CSMD1: variants seen among roughly 807,000 people sequenced by gnomAD.
The protein encoded by CSMD1 is CUB and sushi domain-containing protein 1.
In CSMD1, 213 loss-of-function variants were observed where a neutral mutation model predicts 417.5. That is an observed-to-expected ratio of 0.51 (90% CI 0.46 to 0.57). CSMD1 has a LOEUF of 0.57. CSMD1 is among the 20% of genes least tolerant of loss of function. The pLI, the probability that CSMD1 is intolerant of heterozygous loss-of-function variation, is 0.00. For synonymous variants in CSMD1, 2,862 were observed against 1,736.8 expected (o/e 1.65, Z -16.11); for missense variants, 6,923 against 4,529.7 (o/e 1.53, Z -15.17).
At chr8:4,395,767 T>C (rs576090771) in intron 3 of CSMD1, among the ~76,000 whole-genome samples, 17 of 150,030 alleles carry the variant, frequency 1.1e-4, no homozygotes, top group Non-Finnish European at 2.2e-4. Flanking sequence ...TAAAAAAAAA[T>C]GCTAAGTGGA....
chr8:4,816,005 G>C (rs1799184794), intron 1 of CSMD1, among the ~76,000 whole-genome samples: 2 of 152,088 alleles, frequency 1.3e-5, no homozygotes, highest in Admixed American at 6.6e-5. Flanking sequence ...GTACAAAAAT[G>C]TCACGCTATT....
intron 3 of CSMD1, among the ~76,000 whole-genome samples, chr8:4,311,846 G>A (rs924327293): frequency 2.0e-5 from 3 of 151,998 alleles, no homozygotes; most frequent in Non-Finnish European, 4.4e-5. Context: ...GAGCGGAAAA[G>A]ATCACTGTTA....
intron 5 of CSMD1, among the ~76,000 whole-genome samples, chr8:3,864,143 A>G (rs1804917996): frequency 6.6e-6 from 1 of 152,250 alleles, no homozygotes; most frequent in African/African-American, 2.4e-5. Context: ...TGTGACCAGC[A>G]TTTATGGATC....
intron 12 of CSMD1, among the ~76,000 whole-genome samples, chr8:3,462,068 C>T (rs1234038206): frequency 6.6e-6 from 1 of 152,072 alleles, no homozygotes; most frequent in African/African-American, 2.4e-5. Flanking sequence ...AGTGCTAGTG[C>T]TGGGCTGTAT....
intron 5 of CSMD1, among the ~76,000 whole-genome samples, chr8:3,890,379 G>C (rs537068601): frequency 6.6e-6 from 1 of 152,162 alleles, no homozygotes; most frequent in African/African-American, 2.4e-5. Context: ...TATTTTAATA[G>C]ACTGTGGAAA....
At chr8:3,846,959 G>A (rs1803549393) in intron 5 of CSMD1, among the ~76,000 whole-genome samples, 1 of 152,168 alleles carries the variant, frequency 6.6e-6, no homozygotes, top group African/African-American at 2.4e-5. Context: ...ACAGCCGTGA[G>A]CCACTGCGCC....
chr8:4,866,321 C>T (rs1001662802), intron 1 of CSMD1, among the ~76,000 whole-genome samples: 1 of 151,978 alleles, frequency 6.6e-6, no homozygotes, highest in Non-Finnish European at 1.5e-5. Flanking sequence ...CTATTGACTT[C>T]TCCAGAGATT....
intron 5 of CSMD1, among the ~76,000 whole-genome samples, chr8:3,974,411 C>T (rs1184095451): frequency 6.6e-6 from 1 of 151,684 alleles, no homozygotes; most frequent in East Asian, 1.9e-4. Context: ...TTTTTATTTT[C>T]ACTTCGACCA....
At chr8:4,525,996 G>T (rs981421182) in intron 2 of CSMD1, among the ~76,000 whole-genome samples, 1 of 152,148 alleles carries the variant, frequency 6.6e-6, no homozygotes, top group Non-Finnish European at 1.5e-5. Context: ...CCAGAAAACA[G>T]TGGGGAGCTC....
chr8:4,813,309 C>A (rs1233701138), intron 1 of CSMD1, among the ~76,000 whole-genome samples: 1 of 151,840 alleles, frequency 6.6e-6, no homozygotes, highest in Admixed American at 6.6e-5. Context: ...CCCACAGAGC[C>A]GGGGCTGTGA....
At chr8:4,838,533 C>G (rs1407833856) in intron 1 of CSMD1, among the ~76,000 whole-genome samples, 2 of 152,220 alleles carry the variant, frequency 1.3e-5, no homozygotes, top group African/African-American at 2.4e-5. Flanking sequence ...AAAGCATTTA[C>G]TCCGCTTTTA....
intron 1 of CSMD1, among the ~76,000 whole-genome samples, chr8:4,967,969 T>C (rs1429099531): frequency 1.3e-5 from 2 of 152,218 alleles, no homozygotes; most frequent in Admixed American, 6.5e-5. Flanking sequence ...ATAAAGACGA[T>C]AGGTAGATAT....
At chr8:4,512,080 G>C (rs377570226) in intron 2 of CSMD1, among the ~76,000 whole-genome samples, 2 of 152,026 alleles carry the variant, frequency 1.3e-5, no homozygotes, top group Non-Finnish European at 2.9e-5. Flanking sequence ...CGTATAAAAA[G>C]AATTATATAC....
intron 3 of CSMD1, among the ~76,000 whole-genome samples, chr8:4,299,204 T>G (rs571536609): frequency 6.6e-6 from 1 of 152,288 alleles, no homozygotes; most frequent in South Asian, 2.1e-4. Flanking sequence ...AATATACTTT[T>G]GCCAGGTAAT....
chr8:4,141,028 T>A (rs559953104), intron 3 of CSMD1, among the ~76,000 whole-genome samples: 14 of 151,290 alleles, frequency 9.3e-5, no homozygotes, highest in African/African-American at 2.2e-4. Context: ...CTTACAAACA[T>A]TGCCGTTTCA....
At chr8:4,033,534 C>T (rs1409012943) in intron 3 of CSMD1, among the ~76,000 whole-genome samples, 6 of 152,172 alleles carry the variant, frequency 3.9e-5, no homozygotes, top group Admixed American at 3.9e-4. Context: ...CCAGACCAAA[C>T]CAATGTATAT....
At chr8:4,031,162 C>G (rs1185134440) in intron 4 of CSMD1, among the ~76,000 whole-genome samples, 1 of 152,196 alleles carries the variant, frequency 6.6e-6, no homozygotes, top group Non-Finnish European at 1.5e-5. Flanking sequence ...GTTCCAAAGT[C>G]GCTTCCACAT....
chr8:4,236,604 G>C (rs1221118429), intron 3 of CSMD1, among the ~76,000 whole-genome samples: 1 of 152,104 alleles, frequency 6.6e-6, no homozygotes, highest in Non-Finnish European at 1.5e-5. Context: ...TTTAAGCTTA[G>C]GTTCTAAACC....
intron 3 of CSMD1, among the ~76,000 whole-genome samples, chr8:4,403,903 C>G (rs1031762951): frequency 1.3e-5 from 2 of 152,158 alleles, no homozygotes; most frequent in African/African-American, 4.8e-5. Context: ...ATCCCCTACC[C>G]ACACCCGCAT....
Sources: gnomAD v4.1 joint callset for allele counts (sites outside exome capture counted in the v4.1 genomes callset) on GRCh38, gnomAD v4.1.1 for gene constraint, MANE v1.5 for transcripts, NCBI Gene and HGNC (gene_info 2026-07-23, HGNC 2026-07-21) for gene names.